Variants in DSCAML1 observed in about 807,000 individuals in gnomAD.
DSCAML1 encodes the protein DS cell adhesion molecule like 1, also known as cell adhesion molecule DSCAML1.
Under a neutral mutation model 200.5 loss-of-function variants are expected in DSCAML1, and 38 were observed. That is an observed-to-expected ratio of 0.19 (90% CI 0.15 to 0.25). The LOEUF is 0.25. Ranked by LOEUF, DSCAML1 falls within the 10% of genes least tolerant of loss-of-function variation. DSCAML1 has a pLI of 1.00. For synonymous variants in DSCAML1, 1,215 were observed against 1,165.0 expected (o/e 1.04, Z -0.87); for missense variants, 2,223 against 2,858.8 (o/e 0.78, Z 5.07).
chr11:117,658,961 T>C (rs75275400), intron 3 of DSCAML1, among the ~76,000 whole-genome samples: 3,736 of 152,138 alleles, frequency 0.025, 126 homozygotes, highest in Non-Finnish European at 0.026. Context: ...CTGGGTGTAG[T>C]TCTGACTTTC....
chr11:117,621,889 A>T (rs1445316159), intron 3 of DSCAML1, among the ~76,000 whole-genome samples: 3 of 152,246 alleles, frequency 2.0e-5, no homozygotes, highest in South Asian at 4.1e-4. Context: ...CAGTTTTCTG[A>T]TTGAAAAGTG....
chr11:117,791,670 C>T (rs1039514478), intron 1 of DSCAML1, among the ~76,000 whole-genome samples: 22 of 152,304 alleles, frequency 1.4e-4, no homozygotes, highest in South Asian at 4.1e-4. Context: ...AGCTAGGTGA[C>T]GGATGGAAGG....
intron 3 of DSCAML1, among the ~76,000 whole-genome samples, chr11:117,752,870 C>G (rs570757510): frequency 6.6e-6 from 1 of 152,304 alleles, no homozygotes; most frequent in African/African-American, 2.4e-5. Flanking sequence ...TCTCCCAGGG[C>G]CCAGCACAGA....
At chr11:117,486,731 C>T (rs2049076216) in intron 11 of DSCAML1, among the ~76,000 whole-genome samples, 1 of 152,056 alleles carries the variant, frequency 6.6e-6, no homozygotes, top group African/African-American at 2.4e-5. Context: ...AGAATCCTAG[C>T]ATCCTAGCAT....
chr11:117,678,479 A>G (rs2053256840), intron 3 of DSCAML1, among the ~76,000 whole-genome samples: 1 of 152,264 alleles, frequency 6.6e-6, no homozygotes, highest in African/African-American at 2.4e-5. Context: ...CTAAACAAAC[A>G]AGAAAATACC....
At chr11:117,578,104 G>T (rs2050979489) in intron 3 of DSCAML1, among the ~76,000 whole-genome samples, 2 of 151,848 alleles carry the variant, frequency 1.3e-5, no homozygotes, top group South Asian at 4.2e-4. Flanking sequence ...GTGTGGTGGT[G>T]CATGACTGTA....
chr11:117,589,137 C>G (rs904534601), intron 3 of DSCAML1, among the ~76,000 whole-genome samples: 4 of 152,094 alleles, frequency 2.6e-5, no homozygotes, highest in African/African-American at 9.7e-5. Flanking sequence ...CTTCCTCCAC[C>G]ATGGTCAAAT....
intron 8 of DSCAML1, among the ~76,000 whole-genome samples, chr11:117,511,020 G>A (rs1042063998): frequency 1.3e-5 from 2 of 152,180 alleles, no homozygotes; most frequent in South Asian, 2.1e-4. Context: ...ACTTGGCCAG[G>A]TGGCTGACTC....
chr11:117,686,485 T>C (rs904043034), intron 3 of DSCAML1, among the ~76,000 whole-genome samples: 4 of 152,198 alleles, frequency 2.6e-5, no homozygotes, highest in Non-Finnish European at 5.9e-5. Flanking sequence ...ACAGCTGCCA[T>C]TGCTCCATCA....
At chr11:117,442,366 ATT>A in intron 21 of DSCAML1, among the ~76,000 whole-genome samples, 1 of 151,808 alleles carries the variant, frequency 6.6e-6, no homozygotes, top group East Asian at 1.9e-4. Context: ...GTATGCATAT[ATT>A]AGTGTGTATA....
intron 3 of DSCAML1, among the ~76,000 whole-genome samples, chr11:117,574,075 G>T (rs1045392354): frequency 6.6e-6 from 1 of 152,188 alleles, no homozygotes; most frequent in Admixed American, 6.5e-5. Flanking sequence ...GGGAGGGAAG[G>T]GGGGCCAGTG....
intron 3 of DSCAML1, among the ~76,000 whole-genome samples, chr11:117,724,901 C>G (rs541948794): frequency 9.8e-5 from 15 of 152,308 alleles, no homozygotes; most frequent in African/African-American, 3.6e-4. Flanking sequence ...CCTAGAAGTG[C>G]AGCAGGAGGA....
intron 30 of DSCAML1, 81 bp from the exon 31 acceptor site, chr11:117,431,809 AG>A (rs2047803448): frequency 1.5e-6 from 2 of 1,378,580 alleles, no homozygotes; most frequent in Non-Finnish European, 1.9e-6. Context: ...CAGAAAGGGC[AG>A]GGGGGAGCAA....
chr11:117,481,446 G>A (rs1162365144), intron 12 of DSCAML1, among the ~76,000 whole-genome samples, 176 bp from the exon 13 acceptor site: 3 of 151,246 alleles, frequency 2.0e-5, no homozygotes, highest in Non-Finnish European at 4.4e-5. Context: ...ATGGAAGTAT[G>A]GAGGGCTTCA....
rs142414349 is a variant in DSCAML1 at position 117,539,044 on chromosome 11, T to C, written c.512-6522A>G. ...CTCTGTTCAGAATCCTCCAGTGCAT[T>C]CCCATCTCAATCCGGTCATAAAACA... On this transcript the variant is annotated intron_variant, in intron 3 of 32. Coordinates refer to ENST00000651296, the MANE Select transcript of DSCAML1 (RefSeq NM_020693.4). Among the ~76,000 whole-genome samples, 374 of 152,252 alleles carry C rather than the reference T, an allele frequency of 2.5e-3. 3 individuals are homozygous for C. The highest frequency in any genetic ancestry group is 7.2e-3 in the African/African-American group (297 of 41,536).
chr11:117,442,340 A>ATGTGTGTT (rs1555168694), intron 21 of DSCAML1, among the ~76,000 whole-genome samples: 3 of 150,510 alleles, frequency 2.0e-5, no homozygotes, highest in African/African-American at 7.4e-5. Context: ...TATAGTGTGT[A>ATGTGTGTT]TGTGTGTGCA....
chr11:117,685,737 A>G (rs2053391929), intron 3 of DSCAML1, among the ~76,000 whole-genome samples: 1 of 152,182 alleles, frequency 6.6e-6, no homozygotes, highest in Non-Finnish European at 1.5e-5. Flanking sequence ...CCTTATCTGC[A>G]TACTTACCCT....
At chr11:117,552,131 A>G (rs1224984522) in intron 3 of DSCAML1, among the ~76,000 whole-genome samples, 2 of 151,966 alleles carry the variant, frequency 1.3e-5, no homozygotes, top group Admixed American at 6.5e-5. Flanking sequence ...GTGGGCATGC[A>G]CCTGGAAGGT....
At chr11:117,804,322 C>A (rs927832547) in intron 1 of DSCAML1, among the ~76,000 whole-genome samples, 3 of 152,214 alleles carry the variant, frequency 2.0e-5, no homozygotes, top group African/African-American at 7.2e-5. Flanking sequence ...TCTACACCGA[C>A]CCAACAGGTG....
Sources: allele counts gnomAD v4.1 joint callset (sites outside exome capture counted in the v4.1 genomes callset), GRCh38; gene constraint gnomAD v4.1.1; transcripts MANE v1.5; gene names NCBI Gene and HGNC (gene_info 2026-07-23, HGNC 2026-07-21).